Variants in NCKAP5 observed in about 807,000 individuals in gnomAD.
NCKAP5 encodes nck-associated protein 5.
Under a neutral mutation model 167.0 loss-of-function variants are expected in NCKAP5, and 92 were observed. That is an observed-to-expected ratio of 0.55 (90% CI 0.47 to 0.66). The LOEUF (loss-of-function observed/expected upper bound fraction) is 0.66. Among genes scored for constraint, NCKAP5 ranks in the 30% least tolerant of loss-of-function variants. The pLI, the probability that NCKAP5 is intolerant of heterozygous loss-of-function variation, is 0.00. For missense variants in NCKAP5, 2,378 were observed against 2,315.0 expected, an observed-to-expected ratio of 1.03 and a Z score of -0.56; for synonymous variants, 891 against 877.4, an observed-to-expected ratio of 1.02 and a Z score of -0.27.
intron 4 of NCKAP5, among the ~76,000 whole-genome samples, chr2:133,296,094 C>T (rs1444439056): frequency 2.0e-5 from 3 of 152,108 alleles, no homozygotes; most frequent in South Asian, 2.1e-4. Context: ...AGCCAGAGGC[C>T]GCAAGATTCC....
chr2:133,373,507 C>T (rs1342066781), intron 3 of NCKAP5, among the ~76,000 whole-genome samples: 1 of 152,188 alleles, frequency 6.6e-6, no homozygotes, highest in African/African-American at 2.4e-5. Flanking sequence ...TTCACAGATT[C>T]AATGCAATCC....
intron 11 of NCKAP5, among the ~76,000 whole-genome samples, chr2:132,833,414 T>A (rs745350620): frequency 1.3e-5 from 2 of 152,210 alleles, no homozygotes; most frequent in Non-Finnish European, 2.9e-5. Context: ...TGCCTGTGCT[T>A]TTGAAGTCTT....
chr2:133,315,855 A>C (rs1681571706), intron 3 of NCKAP5, among the ~76,000 whole-genome samples: 1 of 152,162 alleles, frequency 6.6e-6, no homozygotes, highest in Non-Finnish European at 1.5e-5. Flanking sequence ...GGGAAAGGTG[A>C]AGAATAAAGA....
the NCKAP5 span, among the ~76,000 whole-genome samples, chr2:133,658,119 T>C: frequency 8.3e-6 from 1 of 121,118 alleles, no homozygotes; most frequent in African/African-American, 3.2e-5. Context: ...CACCCCCTAG[T>C]TTCATTTAGG....
chr2:133,613,485 T>C, the NCKAP5 span, among the ~76,000 whole-genome samples: 1 of 152,242 alleles, frequency 6.6e-6, no homozygotes, highest in Non-Finnish European at 1.5e-5. Flanking sequence ...ACCAGTGTTT[T>C]CACCTCCATT....
intron 2 of NCKAP5, among the ~76,000 whole-genome samples, chr2:133,555,712 T>C (rs1156756717): frequency 6.6e-6 from 1 of 152,238 alleles, no homozygotes; most frequent in Non-Finnish European, 1.5e-5. Flanking sequence ...CTTGAAAGAC[T>C]GTTGGGCATT....
At chr2:133,010,087 T>TAA (rs1384520836) in intron 6 of NCKAP5, among the ~76,000 whole-genome samples, 8 of 148,090 alleles carry the variant, frequency 5.4e-5, no homozygotes, top group Non-Finnish European at 1.0e-4. Context: ...AAAAAATAAA[T>TAA]AAATAAAAAA....
chr2:133,510,075 T>C (rs909291856), intron 3 of NCKAP5, among the ~76,000 whole-genome samples: 2 of 152,066 alleles, frequency 1.3e-5, no homozygotes, highest in African/African-American at 2.4e-5. Flanking sequence ...GCAGGACCAA[T>C]TGCAAGTGCT....
At chr2:133,104,675 C>T (rs532149194) in intron 6 of NCKAP5, among the ~76,000 whole-genome samples, 54 of 152,332 alleles carry the variant, frequency 3.5e-4, no homozygotes, top group Non-Finnish European at 5.6e-4. Flanking sequence ...ATATGTTTTA[C>T]CTACTTATGC....
At position 133,443,674 on chromosome 2, in the gene NCKAP5, A is replaced by G. The variant is rs188935490; in HGVS notation, c.69+73784T>C. 2.5e-3 allele frequency among the ~76,000 whole-genome samples: 376 copies of G among 152,222 alleles called. 2 individuals are homozygous for G. The highest frequency in any genetic ancestry group is 8.6e-3 in the African/African-American group (356 of 41,540). On this transcript the variant is annotated intron_variant, in intron 3 of 19. Transcript: ENST00000409261. ...GCTTGAAGCATGCAGACTTCCATCA[A>G]CTGCAGCTCCAGCTCACCCCTGAGT...
chr2:133,152,037 G>T (rs577018913), intron 5 of NCKAP5, among the ~76,000 whole-genome samples: 1 of 152,256 alleles, frequency 6.6e-6, no homozygotes, highest in East Asian at 1.9e-4. Flanking sequence ...TTCTTCATTA[G>T]ATATGAAGGA....
At chr2:132,973,216 G>C (rs996245933) in intron 7 of NCKAP5, among the ~76,000 whole-genome samples, 3 of 152,136 alleles carry the variant, frequency 2.0e-5, no homozygotes, top group African/African-American at 7.2e-5. Flanking sequence ...CCCAAATTAT[G>C]GCAGAGGGGA....
intron 3 of NCKAP5, among the ~76,000 whole-genome samples, chr2:133,479,598 T>C (rs1440064882): frequency 1.3e-5 from 2 of 152,156 alleles, no homozygotes; most frequent in Non-Finnish European, 2.9e-5. Flanking sequence ...TAACAAAATA[T>C]CACATGTACT....
intron 4 of NCKAP5, among the ~76,000 whole-genome samples, chr2:133,215,392 G>A (rs1047783795): frequency 6.6e-6 from 1 of 152,032 alleles, no homozygotes; most frequent in African/African-American, 2.4e-5. Context: ...TAGTATAGAG[G>A]TAACACTGGC....
chr2:133,085,110 T>C (rs184003061), intron 6 of NCKAP5, among the ~76,000 whole-genome samples: 64 of 152,264 alleles, frequency 4.2e-4, no homozygotes, highest in African/African-American at 1.5e-3. Flanking sequence ...AAGGGTAGTT[T>C]TGGCCTGCAA....
chr2:132,862,213 G>A (rs2148721504), intron 10 of NCKAP5, among the ~76,000 whole-genome samples: 1 of 152,296 alleles, frequency 6.6e-6, no homozygotes, highest in East Asian at 1.9e-4. Flanking sequence ...GGTGAAGTTA[G>A]ATCTCGCTAG....
chr2:132,962,994 C>T (rs2149203336), intron 8 of NCKAP5, among the ~76,000 whole-genome samples: 1 of 151,430 alleles, frequency 6.6e-6, no homozygotes. Context: ...ATAAGCTTAT[C>T]GAAAGGACGT....
At chr2:133,392,242 C>G (rs990320406) in intron 3 of NCKAP5, among the ~76,000 whole-genome samples, 5 of 152,154 alleles carry the variant, frequency 3.3e-5, no homozygotes, top group Admixed American at 6.5e-5. Flanking sequence ...TACATAAATA[C>G]TTACCATTGT....
intron 16 of NCKAP5, among the ~76,000 whole-genome samples, chr2:132,765,444 A>G (rs1574125004): frequency 6.6e-6 from 1 of 151,180 alleles, no homozygotes; most frequent in East Asian, 2.0e-4. Flanking sequence ...CCTGCCAAGT[A>G]GCTGTGACTA....
Sources: gnomAD v4.1 joint callset for allele counts (sites outside exome capture counted in the v4.1 genomes callset) on GRCh38, gnomAD v4.1.1 for gene constraint, MANE v1.5 for transcripts, NCBI Gene and HGNC (gene_info 2026-07-23, HGNC 2026-07-21) for gene names.